Variants in PKNOX1 observed in about 807,000 individuals in gnomAD.
PKNOX1 encodes the protein PBX/knotted 1 homeobox 1.
A neutral mutation model predicts 51.9 loss-of-function variants in PKNOX1; 15 were observed. The ratio of observed to expected loss-of-function variants is 0.29; its 90% CI spans 0.19 to 0.45. The LOEUF is 0.45. PKNOX1 is among the 20% of genes least tolerant of loss of function. PKNOX1 has a pLI of 1.00. For synonymous variants in PKNOX1, 219 were observed against 211.1 expected, an observed-to-expected ratio of 1.04 and a Z score of -0.32; for missense variants, 462 against 547.5, an observed-to-expected ratio of 0.84 and a Z score of 1.56.
chr21:43,016,333 C>T (rs905096548), intron 5 of PKNOX1, among the ~76,000 whole-genome samples: 5 of 152,194 alleles, frequency 3.3e-5, no homozygotes, highest in Admixed American at 3.3e-4. Context: ...GTAGGCCGGG[C>T]ACAGTTCCAA....
intron 5 of PKNOX1, among the ~76,000 whole-genome samples, chr21:43,016,367 G>C (rs1218145033): frequency 6.6e-6 from 1 of 152,240 alleles, no homozygotes; most frequent in Non-Finnish European, 1.5e-5. Flanking sequence ...AAGAACACTG[G>C]GGAAAGCCAA....
chr21:42,987,396 AAAAAAAAAATAT>A (rs1249604783), intron 1 of PKNOX1, among the ~76,000 whole-genome samples: 7 of 94,090 alleles, frequency 7.4e-5, no homozygotes, highest in African/African-American at 2.7e-4. Flanking sequence ...AAAAAAAAAA[AAAAAAAAAATAT>A]ATATATATAT....
At chr21:43,018,967 C>T (rs796187381) in intron 7 of PKNOX1, among the ~76,000 whole-genome samples, 16 of 152,176 alleles carry the variant, frequency 1.1e-4, no homozygotes, top group African/African-American at 3.9e-4. Flanking sequence ...CGCCTGTAAT[C>T]CCAGCTACTC....
At chr21:42,977,248 C>G (rs1422997989) in intron 1 of PKNOX1, among the ~76,000 whole-genome samples, 1 of 152,212 alleles carries the variant, frequency 6.6e-6, no homozygotes, top group Non-Finnish European at 1.5e-5. Context: ...CTTAAAGTCA[C>G]CAGTGACATT....
chr21:42,980,431 T>G (rs75199738), intron 1 of PKNOX1, among the ~76,000 whole-genome samples: 14,354 of 152,194 alleles, frequency 0.094, 802 homozygotes, highest in Non-Finnish European at 0.12. Flanking sequence ...GTGCTACTTA[T>G]GAGAAGTAAC....
intron 1 of PKNOX1, among the ~76,000 whole-genome samples, chr21:42,987,081 A>T (rs1455397899): frequency 6.6e-6 from 1 of 151,942 alleles, no homozygotes; most frequent in African/African-American, 2.4e-5. Flanking sequence ...TTTTAGGTGG[A>T]TTTAAAGAAG....
chr21:42,999,430 T>C (rs1347978895), intron 1 of PKNOX1, among the ~76,000 whole-genome samples: 1 of 152,206 alleles, frequency 6.6e-6, no homozygotes, highest in Non-Finnish European at 1.5e-5. Context: ...TCATTACTTA[T>C]GCAAATTTAT....
intron 10 of PKNOX1, 79 bp downstream of exon 10, chr21:43,028,953 T>C (rs761948335): frequency 3.8e-5 from 54 of 1,420,796 alleles, no homozygotes; most frequent in Non-Finnish European, 5.3e-5. Context: ...TCAGGCCTGT[T>C]AGCTGTGAGC....
rs35211045 is a variant in PKNOX1, at chr21:43,005,534, C to CT, written c.51+1116dup. ...TTAGTCCTTTGGTATTTCCAATTGA[C>CT]TTTTTTTTTTTTTTCTAAAATGCAA... On this transcript the variant is annotated intron_variant, in intron 2 of 10. Transcript: ENST00000291547. Among the ~76,000 whole-genome samples, 454 of 145,130 alleles carry CT rather than the reference C, an allele frequency of 3.1e-3. 2 individuals carry two copies. Among genetic ancestry groups the CT allele is most frequent in the African/African-American group, 1.0e-2 (394 of 39,476 alleles).
Position 43,010,142 on chromosome 21 carries a change from A to T in PKNOX1, c.269A>T (p.Asp90Val). The change falls in exon 4 of 11, where the codon GAT (aspartate) becomes GTT (valine). Residue 90 changes from aspartate to valine, a missense_variant. Asp to Val is a radical substitution (Grantham distance 152). Transcript: ENST00000291547. ...GSEGTTSASFDVDIENFVRKQ... is the reference protein window; with the variant it reads ...GSEGTTSASFVVDIENFVRKQ... ...GAAGGCACAACTTCTGCCAGTTTTG[A>T]TGTAGACATCGAAAATTTTGTAAGA... 1 of 1,606,504 alleles carries T rather than the reference A, an allele frequency of 6.2e-7. No homozygotes were observed.
At chr21:43,027,085 T>G (rs1980014698) in intron 9 of PKNOX1, among the ~76,000 whole-genome samples, 1 of 152,078 alleles carries the variant, frequency 6.6e-6, no homozygotes, top group African/African-American at 2.4e-5. Flanking sequence ...AAGTAATGCT[T>G]TTGTTTCCCT....
chr21:42,978,598 C>T (rs1176223534), intron 1 of PKNOX1, among the ~76,000 whole-genome samples: 1 of 151,528 alleles, frequency 6.6e-6, no homozygotes, highest in Non-Finnish European at 1.5e-5. Flanking sequence ...ATTCTCTTGC[C>T]TCAGCCTACC....
intron 1 of PKNOX1, among the ~76,000 whole-genome samples, chr21:42,990,155 G>A (rs531446885): frequency 3.3e-5 from 5 of 151,904 alleles, no homozygotes; most frequent in Admixed American, 1.3e-4. Flanking sequence ...CCAGCTACTC[G>A]GGTGGCTGAG....
At chr21:43,016,755 G>T (rs1313571925) in intron 5 of PKNOX1, among the ~76,000 whole-genome samples, 153 bp from the exon 6 acceptor site, 1 of 152,158 alleles carries the variant, frequency 6.6e-6, no homozygotes, top group Non-Finnish European at 1.5e-5. Context: ...TGTGTGCTGC[G>T]TGCATTCTGA....
chr21:43,029,218 C>G (rs1468167216), intron 10 of PKNOX1, among the ~76,000 whole-genome samples: 1 of 152,018 alleles, frequency 6.6e-6, no homozygotes, highest in East Asian at 1.9e-4. Flanking sequence ...AGGGACTTAC[C>G]CCGTTCTCAC....
At chr21:42,992,950 A>G (rs1180810367) in intron 1 of PKNOX1, among the ~76,000 whole-genome samples, 1 of 136,568 alleles carries the variant, frequency 7.3e-6, no homozygotes, top group Non-Finnish European at 1.5e-5. Flanking sequence ...TTATGTCATT[A>G]GGGGGCTTTC....
At chr21:42,985,523 C>T (rs537361607) in intron 1 of PKNOX1, among the ~76,000 whole-genome samples, 3 of 150,962 alleles carry the variant, frequency 2.0e-5, no homozygotes, top group South Asian at 2.1e-4. Flanking sequence ...TTAGTAGAGA[C>T]GGGGTTTTGC....
chr21:43,017,014 T>A lies in PKNOX1; in HGVS notation c.622+7T>A, dbSNP rs1350284531. On this transcript the variant is annotated splice_region_variant and intron_variant, in intron 6 of 10. Transcript: ENST00000291547. ...GCCATGGCGACGGTGGCAGGTACGA[T>A]GACAGAAAAATGGACACACTCTCCA... The A allele has an allele frequency of 1.2e-6, 2 of 1,602,780 alleles. No individual in the cohort carries two copies. The highest frequency in any genetic ancestry group is 3.3e-5 in the Admixed American group (2 of 59,992).
intron 2 of PKNOX1, among the ~76,000 whole-genome samples, chr21:43,004,825 C>CT (rs1388570768): frequency 6.6e-6 from 1 of 152,134 alleles, no homozygotes; most frequent in Non-Finnish European, 1.5e-5. Context: ...CCTCGTCTCC[C>CT]CAGTTGTAGG....
Sources: gnomAD v4.1 joint callset for allele counts (sites outside exome capture counted in the v4.1 genomes callset) on GRCh38, gnomAD v4.1.1 for gene constraint, MANE v1.5 for transcripts, NCBI Gene and HGNC (gene_info 2026-07-23, HGNC 2026-07-21) for gene names.